ARHGEF28: variants seen among roughly 807,000 people sequenced by gnomAD.
The protein encoded by ARHGEF28 is 190 kDa guanine nucleotide exchange factor.
ARHGEF28 carries 152 observed loss-of-function variants against 206.6 expected under a neutral mutation model. That is an observed-to-expected ratio of 0.74 (90% CI 0.64 to 0.84). ARHGEF28 has a LOEUF of 0.84. Among genes scored for constraint, ARHGEF28 ranks in the 40% least tolerant of loss-of-function variants. ARHGEF28 has a pLI of 0.00. For missense variants in ARHGEF28, 2,028 were observed against 2,073.2 expected, an observed-to-expected ratio of 0.98 and a Z score of 0.42; for synonymous variants, 763 against 776.4, an observed-to-expected ratio of 0.98 and a Z score of 0.29.
intron 2 of ARHGEF28, among the ~76,000 whole-genome samples, chr5:73,723,589 G>C (rs1750094614): frequency 6.6e-6 from 1 of 152,132 alleles, no homozygotes; most frequent in Non-Finnish European, 1.5e-5. Context: ...ATCAGTTAAG[G>C]TTTATTTGTA....
chr5:73,867,902 C>A lies in ARHGEF28; in HGVS notation c.2179C>A (p.Pro727Thr). Residue 727 changes from proline (P) to threonine (T), a missense_variant, in exon 19 of 36, where the codon CCT (proline) becomes ACT (threonine). Transcript: ENST00000513042. The stretch of plus-strand genomic sequence containing the variant: ...TTCTTCATTTAGAGACATCCCACAG[C>A]CTGGTCTCTCCTTGCACCCTTCTTC... Reference protein sequence around the residue: ...GNSSFRDIPQPGLSLHPSSSV... With the variant: ...GNSSFRDIPQTGLSLHPSSSV... 2 of 1,613,994 alleles carry A rather than the reference C, an allele frequency of 1.2e-6. No individual in the cohort carries two copies. The highest frequency in any genetic ancestry group is 1.7e-6 in the Non-Finnish European group (2 of 1,179,880).
At chr5:73,680,434 CAA>C (rs71615795) in intron 1 of ARHGEF28, among the ~76,000 whole-genome samples, 580 of 30,400 alleles carry the variant, frequency 0.019, 1 homozygote, top group African/African-American at 0.066. Flanking sequence ...GACTCCATCT[CAA>C]AAAAAAAAAA....
intron 1 of ARHGEF28, among the ~76,000 whole-genome samples, chr5:73,632,084 G>A (rs559099233): frequency 2.6e-5 from 4 of 152,256 alleles, no homozygotes; most frequent in African/African-American, 9.6e-5. Context: ...ACACGTGTTG[G>A]TCAGTTATTT....
chr5:73,909,348 G>A (rs928710964), intron 33 of ARHGEF28, 64 bp from the exon 34 acceptor site: 2 of 1,515,788 alleles, frequency 1.3e-6, no homozygotes, highest in African/African-American at 1.4e-5. Flanking sequence ...AGTTCCAACC[G>A]AAAGGGTAAA....
chr5:73,751,491 T>C (rs1181199990), intron 3 of ARHGEF28, among the ~76,000 whole-genome samples: 2 of 152,238 alleles, frequency 1.3e-5, no homozygotes, highest in Admixed American at 1.3e-4. Context: ...TCTGCCCTTT[T>C]GCTCTGGCTA....
At chr5:73,710,603 A>G (rs1749181920) in intron 2 of ARHGEF28, among the ~76,000 whole-genome samples, 1 of 152,216 alleles carries the variant, frequency 6.6e-6, no homozygotes, top group Admixed American at 6.5e-5. Context: ...TGGTGTATTT[A>G]AAAATGCTTT....
intron 25 of ARHGEF28, among the ~76,000 whole-genome samples, chr5:73,886,912 G>A (rs1228624798): frequency 6.6e-6 from 1 of 152,252 alleles, no homozygotes; most frequent in Non-Finnish European, 1.5e-5. Flanking sequence ...TAGGTAGGCA[G>A]TGAGAGGAAG....
intron 35 of ARHGEF28, among the ~76,000 whole-genome samples, chr5:73,914,954 G>A (rs140128131): frequency 1.3e-3 from 191 of 152,206 alleles, no homozygotes; most frequent in African/African-American, 4.3e-3. Context: ...TTGCCCAGGC[G>A]GGTCTTGAAC....
chr5:73,672,713 A>G (rs1399900611), intron 1 of ARHGEF28, among the ~76,000 whole-genome samples: 4 of 152,254 alleles, frequency 2.6e-5, no homozygotes, highest in Non-Finnish European at 5.9e-5. Context: ...CAATACATTA[A>G]ACAGACTCAT....
rs146251548 is a variant in ARHGEF28, at chr5:73,782,382, G to C, written c.910+1637G>C. Among the ~76,000 whole-genome samples the C allele has an allele frequency of 2.0e-4, 31 of 152,252 alleles. No homozygotes were observed. In the East Asian group the frequency reaches 6.0e-3, roughly 29 times the overall value. Reference sequence around the variant, plus strand: ...TGAACCTGGGAGGCGAGGTTGCAGTGAGCTGAGATTGCGCCACTGCATTCC... The same window carrying C: ...TGAACCTGGGAGGCGAGGTTGCAGTCAGCTGAGATTGCGCCACTGCATTCC... On this transcript the variant is annotated intron_variant, in intron 7 of 35. Coordinates refer to ENST00000513042, the MANE Select transcript of ARHGEF28 (RefSeq NM_001177693.2).
chr5:73,834,630 T>C (rs1190581409), intron 10 of ARHGEF28, among the ~76,000 whole-genome samples: 1 of 151,926 alleles, frequency 6.6e-6, no homozygotes, highest in Non-Finnish European at 1.5e-5. Context: ...CAGTCAATGG[T>C]GGAATCCATA....
At chr5:73,842,709 T>G (rs1163499002) in intron 11 of ARHGEF28, among the ~76,000 whole-genome samples, 2 of 152,158 alleles carry the variant, frequency 1.3e-5, no homozygotes, top group Non-Finnish European at 2.9e-5. Context: ...CCAGGTATGG[T>G]GGCTCACACC....
At chr5:73,869,226 G>GGGC (rs1554072933) in intron 20 of ARHGEF28, among the ~76,000 whole-genome samples, 1 of 130,712 alleles carries the variant, frequency 7.7e-6, no homozygotes, top group Admixed American at 7.9e-5. Flanking sequence ...GTGGGGTGGA[G>GGGC]GGGGGTGGGG....
chr5:73,671,629 C>T (rs754667713), intron 1 of ARHGEF28, among the ~76,000 whole-genome samples: 27 of 144,816 alleles, frequency 1.9e-4, no homozygotes, highest in Non-Finnish European at 3.3e-4. Flanking sequence ...AGAAACAATA[C>T]AGCGATACTT....
At chr5:73,769,920 C>T (rs1016841279) in intron 4 of ARHGEF28, among the ~76,000 whole-genome samples, 2 of 152,194 alleles carry the variant, frequency 1.3e-5, no homozygotes, top group African/African-American at 4.8e-5. Context: ...CATGCACAGC[C>T]TCCCCTATTA....
intron 7 of ARHGEF28, among the ~76,000 whole-genome samples, chr5:73,783,867 C>G (rs764886003): frequency 3.3e-5 from 5 of 152,082 alleles, no homozygotes; most frequent in Non-Finnish European, 5.9e-5. Context: ...CTGAAATTAA[C>G]CAATAAGCAC....
chr5:73,909,328 G>A, intron 33 of ARHGEF28, 84 bp from the exon 34 acceptor site: 1 of 1,501,212 alleles, frequency 6.7e-7, no homozygotes, highest in Non-Finnish European at 8.9e-7. Context: ...TGCGTTTTGT[G>A]TTTCGAGGTA....
intron 2 of ARHGEF28, among the ~76,000 whole-genome samples, chr5:73,730,534 A>ATT (rs968990208): frequency 0.015 from 1,731 of 117,390 alleles, 76 homozygotes; most frequent in African/African-American, 0.052. Flanking sequence ...CATAAGGAGG[A>ATT]TTTTTTTTTT....
chr5:73,703,646 A>ATT (rs869033693), intron 2 of ARHGEF28, among the ~76,000 whole-genome samples: 1 of 119,162 alleles, frequency 8.4e-6, no homozygotes, highest in Non-Finnish European at 1.8e-5. Context: ...CTTTCCCAGC[A>ATT]TTGTGTGTGT....
Sources: gnomAD v4.1 joint callset for allele counts (sites outside exome capture counted in the v4.1 genomes callset) on GRCh38, gnomAD v4.1.1 for gene constraint, MANE v1.5 for transcripts, NCBI Gene and HGNC (gene_info 2026-07-23, HGNC 2026-07-21) for gene names.